The following CDC14A variants were observed in gnomAD, a reference collection of about 807,000 sequenced individuals.
CDC14A encodes the protein dual specificity protein phosphatase CDC14A.
In CDC14A, 53 loss-of-function variants were observed where a neutral mutation model predicts 74.4. The ratio of observed to expected loss-of-function variants is 0.71; its 90% CI spans 0.57 to 0.89. The LOEUF (loss-of-function observed/expected upper bound fraction) is 0.89, where lower values mean the gene tolerates loss of function less well. Ranked by LOEUF, CDC14A falls within the 40% of genes least tolerant of loss-of-function variation. CDC14A has a pLI of 0.00. For synonymous variants in CDC14A, 247 were observed against 258.4 expected, an observed-to-expected ratio of 0.96 and a Z score of 0.43; for missense variants, 646 against 713.7, an observed-to-expected ratio of 0.91 and a Z score of 1.08.
At chr1:100,347,728 C>T (rs1557667281), upstream of CDC14A, among the ~76,000 whole-genome samples, 1 of 152,146 alleles carries the variant, frequency 6.6e-6, no homozygotes. Context: ...TCAAATTACT[C>T]AGTGGCACAG....
intron 2 of CDC14A, among the ~76,000 whole-genome samples, chr1:100,369,692 A>G (rs111935710): frequency 1.1e-4 from 16 of 151,946 alleles, no homozygotes; most frequent in Admixed American, 1.0e-3. Flanking sequence ...TACTCTGTTG[A>G]TAGTTTATTT....
intron 2 of CDC14A, among the ~76,000 whole-genome samples, chr1:100,365,071 T>G (rs1344801557): frequency 1.3e-5 from 2 of 152,228 alleles, no homozygotes; most frequent in Non-Finnish European, 2.9e-5. Context: ...GGGACAGGAT[T>G]GATAGTTGAT....
intron 10 of CDC14A, among the ~76,000 whole-genome samples, chr1:100,483,991 A>C (rs1311445192): frequency 6.6e-6 from 1 of 152,160 alleles, no homozygotes; most frequent in East Asian, 1.9e-4. Flanking sequence ...TTAAAAGACA[A>C]ATGGGCTCAT....
chr1:100,353,093 GC>G, intron 1 of CDC14A, 90 bp downstream of exon 1: 2 of 1,414,850 alleles, frequency 1.4e-6, no homozygotes, highest in Non-Finnish European at 2.0e-6. Flanking sequence ...TCCTGAGGCT[GC>G]CAGTGTCCTG....
chr1:100,389,335 G>GT (rs1657350063), intron 3 of CDC14A, among the ~76,000 whole-genome samples: 2 of 151,690 alleles, frequency 1.3e-5, no homozygotes, highest in Admixed American at 1.3e-4. Context: ...GTGGGTGCCT[G>GT]TAGTCCCAGC....
chr1:100,456,095 C>T lies in CDC14A; in HGVS notation c.607+603C>T, dbSNP rs1029316972. Among the ~76,000 whole-genome samples, 14 of 152,278 alleles carry T rather than the reference C, an allele frequency of 9.2e-5. No individual in the cohort carries two copies. The South Asian group carries it at 2.1e-3, about 23-fold the overall frequency. On this transcript the variant is annotated intron_variant, in intron 8 of 15. Coordinates refer to ENST00000336454, the MANE Select transcript of CDC14A (RefSeq NM_003672.4). ...TGGTACTCCAAACCAGAGGAGGGCT[C>T]CTAAACATTGCCACTACACTGATAC...
intron 2 of CDC14A, among the ~76,000 whole-genome samples, chr1:100,356,918 G>A (rs1050291814): frequency 2.0e-5 from 3 of 151,226 alleles, no homozygotes; most frequent in Non-Finnish European, 4.4e-5. Context: ...GGATTAGGAT[G>A]GTGACAATGG....
chr1:100,421,661 AC>A (rs1662375854), intron 4 of CDC14A, among the ~76,000 whole-genome samples: 1 of 152,120 alleles, frequency 6.6e-6, no homozygotes, highest in Non-Finnish European at 1.5e-5. Context: ...TTTTTTCCAG[AC>A]CTATGCTACC....
chr1:100,369,080 T>A (rs1406903057), intron 2 of CDC14A, among the ~76,000 whole-genome samples: 1 of 90,554 alleles, frequency 1.1e-5, no homozygotes, highest in Admixed American at 9.2e-5. Flanking sequence ...TTTTTTGACA[T>A]TTTTTTTTTT....
chr1:100,365,605 G>T (rs1653462239), intron 2 of CDC14A, among the ~76,000 whole-genome samples: 1 of 152,180 alleles, frequency 6.6e-6, no homozygotes, highest in Admixed American at 6.5e-5. Flanking sequence ...TTGGCACCCA[G>T]TGATCTTTAG....
At position 100,373,550 on chromosome 1, in the gene CDC14A, TA is replaced by T. The variant is rs202119985; in HGVS notation, c.141-3989del. ...AGGGTTGCCACGGTTCTTCAATTTGTAAAAAAATGCACTATCTGTGAGCATG... is the reference window on the plus strand; with the variant it reads ...AGGGTTGCCACGGTTCTTCAATTTGTAAAAAATGCACTATCTGTGAGCATG... On this transcript the variant is annotated intron_variant, in intron 2 of 15. Transcript: ENST00000336454. Among the ~76,000 whole-genome samples the T allele has an allele frequency of 1.5e-4, 23 of 152,256 alleles. No homozygotes were observed. In the South Asian group the frequency reaches 4.4e-3, roughly 29 times the overall value.
intron 4 of CDC14A, among the ~76,000 whole-genome samples, chr1:100,391,712 C>A (rs112922668): frequency 6.6e-6 from 1 of 152,180 alleles, no homozygotes; most frequent in African/African-American, 2.4e-5. Flanking sequence ...AGCTACTAGA[C>A]CTCAAACTCT....
chr1:100,420,059 C>CATATATATATAT (rs1324396801), intron 4 of CDC14A, among the ~76,000 whole-genome samples: 382 of 24,234 alleles, frequency 0.016, 4 homozygotes, highest in African/African-American at 0.02. Flanking sequence ...CACACACACA[C>CATATATATATAT]ACACATATAT....
chr1:100,513,790 G>T (rs1321497770), intron 15 of CDC14A, among the ~76,000 whole-genome samples: 1 of 152,100 alleles, frequency 6.6e-6, no homozygotes, highest in Non-Finnish European at 1.5e-5. Flanking sequence ...CAGATTAGTA[G>T]CAGATTTCCA....
At chr1:100,369,334 C>G (rs1296049898) in intron 2 of CDC14A, among the ~76,000 whole-genome samples, 1 of 152,158 alleles carries the variant, frequency 6.6e-6, no homozygotes, top group Non-Finnish European at 1.5e-5. Context: ...GTCTTGATCT[C>G]TTGACCTCGT....
intron 3 of CDC14A, among the ~76,000 whole-genome samples, chr1:100,390,149 G>A (rs1015428691): frequency 2.6e-5 from 4 of 152,170 alleles, no homozygotes; most frequent in African/African-American, 9.6e-5. Flanking sequence ...GATGGCTATT[G>A]TAATGTGTTG....
intron 3 of CDC14A, among the ~76,000 whole-genome samples, chr1:100,380,075 A>G (rs764829255): frequency 2.0e-5 from 3 of 152,220 alleles, no homozygotes; most frequent in Admixed American, 6.5e-5. Context: ...TTAAAGTCCT[A>G]TACATAATAA....
At chr1:100,431,842 T>TA (rs373735907) in intron 5 of CDC14A, among the ~76,000 whole-genome samples, 20,524 of 143,468 alleles carry the variant, frequency 0.14, 1,525 homozygotes, top group Non-Finnish European at 0.16. Flanking sequence ...TCTCTGAAAT[T>TA]AAAAAAAAAA....
chr1:100,376,132 A>G (rs1052416779), intron 2 of CDC14A, among the ~76,000 whole-genome samples: 1 of 151,274 alleles, frequency 6.6e-6, no homozygotes, highest in African/African-American at 2.4e-5. Flanking sequence ...GGAACATCAC[A>G]CACCAGGGCC....
Sources: gnomAD v4.1 joint callset for allele counts (sites outside exome capture counted in the v4.1 genomes callset) on GRCh38, gnomAD v4.1.1 for gene constraint, MANE v1.5 for transcripts, NCBI Gene and HGNC (gene_info 2026-07-23, HGNC 2026-07-21) for gene names.